The following NCOA2 variants were observed in gnomAD, a reference collection of about 807,000 sequenced individuals.
NCOA2 encodes class E basic helix-loop-helix protein 75.
NCOA2 carries 21 observed loss-of-function variants against 145.1 expected under a neutral mutation model. The ratio of observed to expected loss-of-function variants is 0.14; its 90% CI spans 0.10 to 0.21. The LOEUF (loss-of-function observed/expected upper bound fraction) is 0.21. NCOA2 is among the 10% of genes least tolerant of loss of function. The probability of loss-of-function intolerance (pLI) is 1.00; values close to 1 mark genes in which losing one functional copy is unlikely to be tolerated. For missense variants in NCOA2, 1,472 were observed against 1,837.6 expected, an observed-to-expected ratio of 0.80 and a Z score of 3.64; for synonymous variants, 619 against 637.5, an observed-to-expected ratio of 0.97 and a Z score of 0.44.
chr8:70,305,021 G>A (rs949126854), intron 1 of NCOA2, among the ~76,000 whole-genome samples: 8 of 150,620 alleles, frequency 5.3e-5, no homozygotes, highest in Non-Finnish European at 1.0e-4. Flanking sequence ...CACCACACCT[G>A]GCTGATTTTC....
At chr8:70,282,339 G>A (rs570275119) in intron 2 of NCOA2, among the ~76,000 whole-genome samples, 45 of 152,262 alleles carry the variant, frequency 3.0e-4, no homozygotes, top group African/African-American at 1.1e-3. Context: ...GCAGGCAACA[G>A]GATAACCTTA....
chr8:70,412,647 C>CA, the NCOA2 span, among the ~76,000 whole-genome samples: 6,582 of 44,968 alleles, frequency 0.15, 575 homozygotes, highest in African/African-American at 0.23. Flanking sequence ...TACTTCGTCT[C>CA]AAAAAAAAAA....
At chr8:70,133,084 G>A (rs897441611) in intron 15 of NCOA2, among the ~76,000 whole-genome samples, 3 of 152,054 alleles carry the variant, frequency 2.0e-5, no homozygotes, top group Admixed American at 1.3e-4. Context: ...GTGTGTGTGT[G>A]TGTGTGTGTA....
chr8:70,287,595 T>C (rs1826328034), intron 2 of NCOA2, among the ~76,000 whole-genome samples: 2 of 152,222 alleles, frequency 1.3e-5, no homozygotes, highest in African/African-American at 4.8e-5. Flanking sequence ...AAAATAACCA[T>C]GTTAATAGAA....
the NCOA2 span, among the ~76,000 whole-genome samples, chr8:70,423,033 T>C: frequency 6.6e-6 from 1 of 152,214 alleles, no homozygotes; most frequent in African/African-American, 2.4e-5. Flanking sequence ...TTCAGTCATA[T>C]GGCTGTACTG....
chr8:70,337,411 A>AGG (rs1807708592), intron 1 of NCOA2, among the ~76,000 whole-genome samples: 1 of 152,186 alleles, frequency 6.6e-6, no homozygotes, highest in South Asian at 2.1e-4. Flanking sequence ...TGAATAGGCA[A>AGG]CAGAGGACAG....
chr8:70,370,079 T>C (rs1811076799), intron 1 of NCOA2, among the ~76,000 whole-genome samples: 1 of 151,856 alleles, frequency 6.6e-6, no homozygotes, highest in African/African-American at 2.4e-5. Context: ...ATGGGCAAGG[T>C]CTCGCCATCT....
At chr8:70,121,530 C>T (rs1364326211) in intron 21 of NCOA2, 139 bp from the exon 22 acceptor site, 1 of 631,896 alleles carries the variant, frequency 1.6e-6, no homozygotes, top group African/African-American at 1.8e-5. Flanking sequence ...ATGGCCTCAT[C>T]CTACACAAGC....
intron 2 of NCOA2, among the ~76,000 whole-genome samples, chr8:70,280,371 C>T (rs1014331399): frequency 1.1e-4 from 16 of 152,242 alleles, no homozygotes; most frequent in South Asian, 2.1e-4. Flanking sequence ...GAGGGGCGAT[C>T]GCAATTCTGT....
At chr8:70,351,594 CTTTTTTTT>C (rs66475474) in intron 1 of NCOA2, among the ~76,000 whole-genome samples, 10 of 134,454 alleles carry the variant, frequency 7.4e-5, no homozygotes, top group Non-Finnish European at 8.1e-5. Flanking sequence ...TCTTTTTTTC[CTTTTTTTT>C]TTTTTTTTAA....
intron 2 of NCOA2, among the ~76,000 whole-genome samples, chr8:70,261,393 T>C (rs779854340): frequency 3.4e-4 from 52 of 151,888 alleles, no homozygotes; most frequent in Admixed American, 1.1e-3. Flanking sequence ...CAGGTGGGAA[T>C]TGAACAATGA....
At chr8:70,329,889 C>T (rs932106354) in intron 1 of NCOA2, among the ~76,000 whole-genome samples, 1 of 152,096 alleles carries the variant, frequency 6.6e-6, no homozygotes, top group Non-Finnish European at 1.5e-5. Context: ...AAGAACAGAG[C>T]TCTATCTTAT....
intron 1 of NCOA2, among the ~76,000 whole-genome samples, chr8:70,389,675 CTT>C (rs1459856134): frequency 6.6e-6 from 1 of 151,396 alleles, no homozygotes; most frequent in Non-Finnish European, 1.5e-5. Flanking sequence ...TTCAGGAAAA[CTT>C]TTTTTTAGAC....
At chr8:70,403,864 C>G, upstream of NCOA2, 1 of 388,512 alleles carries the variant, frequency 2.6e-6, no homozygotes. Flanking sequence ...CCTCCTCCTC[C>G]TCCTCCTCCT....
At chr8:70,208,189 A>G (rs1362143134) in intron 4 of NCOA2, among the ~76,000 whole-genome samples, 4 of 152,224 alleles carry the variant, frequency 2.6e-5, no homozygotes, top group Non-Finnish European at 5.9e-5. Flanking sequence ...AGCCAGCCAC[A>G]AGATTCCCTT....
At chr8:70,162,917 T>C (rs1813197561) in intron 8 of NCOA2, 63 bp from the exon 9 acceptor site, 1 of 1,423,498 alleles carries the variant, frequency 7.0e-7, no homozygotes, top group East Asian at 2.3e-5. Context: ...AATAATTTTT[T>C]TTTTTTTTTT....
intron 11 of NCOA2, among the ~76,000 whole-genome samples, chr8:70,152,473 A>C (rs768587273): frequency 1.3e-5 from 2 of 152,238 alleles, no homozygotes; most frequent in Non-Finnish European, 2.9e-5. Context: ...TCAGGACACT[A>C]TCAGTTTAAA....
At chr8:70,354,077 T>C (rs2130873928) in intron 1 of NCOA2, among the ~76,000 whole-genome samples, 2 of 152,310 alleles carry the variant, frequency 1.3e-5, no homozygotes, top group African/African-American at 4.8e-5. Flanking sequence ...TTGCACAATC[T>C]ACCTTCTCCC....
chr8:70,156,337 C>A lies in NCOA2; in HGVS notation c.2028G>T (p.Gly676=). Residue 676 remains glycine, a synonymous_variant, in exon 11 of 23, where the codon GGG becomes GGT. Coordinates refer to ENST00000452400, the MANE Select transcript of NCOA2 (RefSeq NM_006540.4). ...KDSTGSLPGS[G]STHGTSLKEK... ...CCTTGAGCGAGGTTCCATGTGTAGA[C>A]CCAGAACCAGGCAAGCTACCTGTGG... The A allele has an allele frequency of 6.2e-7, 1 of 1,613,830 alleles. No homozygotes were observed. Among genetic ancestry groups the A allele is most frequent in the Non-Finnish European group, 8.5e-7 (1 of 1,179,844 alleles).
Sources: gnomAD v4.1 joint callset for allele counts (sites outside exome capture counted in the v4.1 genomes callset) on GRCh38, gnomAD v4.1.1 for gene constraint, MANE v1.5 for transcripts, NCBI Gene and HGNC (gene_info 2026-07-23, HGNC 2026-07-21) for gene names.